The following IQCJ variants were observed in gnomAD, a reference collection of about 807,000 sequenced individuals.
IQCJ encodes the protein IQ motif containing J, also known as IQ domain-containing protein J.
Under a neutral mutation model 11.0 loss-of-function variants are expected in IQCJ, and 9 were observed. That is an observed-to-expected ratio of 0.82 (90% confidence interval 0.49 to 1.43). IQCJ has a LOEUF of 1.43. Ranked by LOEUF, IQCJ falls within the 40% of genes most tolerant of loss-of-function variation. IQCJ has a pLI of 0.00. For synonymous variants in IQCJ, 55 were observed against 51.3 expected, an observed-to-expected ratio of 1.07 and a Z score of -0.31; for missense variants, 146 against 133.2, an observed-to-expected ratio of 1.10 and a Z score of -0.47.
chr3:159,183,691 A>T (rs965961752), intron 1 of IQCJ, among the ~76,000 whole-genome samples: 1 of 152,198 alleles, frequency 6.6e-6, no homozygotes, highest in African/African-American at 2.4e-5. Context: ...TAACTTAAGG[A>T]TCCAAGCTTC....
At chr3:159,234,250 G>C (rs1246980543) in intron 1 of IQCJ, among the ~76,000 whole-genome samples, 1 of 152,204 alleles carries the variant, frequency 6.6e-6, no homozygotes, top group South Asian at 2.1e-4. Context: ...TAATTTTTAA[G>C]AGATAATTCA....
intron 1 of IQCJ, among the ~76,000 whole-genome samples, chr3:159,169,580 G>T (rs1325076153): frequency 6.6e-6 from 1 of 151,956 alleles, no homozygotes; most frequent in Non-Finnish European, 1.5e-5. Context: ...ATGAGCCACC[G>T]CACCCTGCCA....
chr3:159,162,967 G>A (rs2108223740), intron 1 of IQCJ, among the ~76,000 whole-genome samples: 1 of 152,288 alleles, frequency 6.6e-6, no homozygotes, highest in Non-Finnish European at 1.5e-5. Flanking sequence ...GGACCAGATG[G>A]ATTCACAGCC....
At chr3:159,088,721 A>G (rs988353248) in intron 1 of IQCJ, among the ~76,000 whole-genome samples, 12 of 151,870 alleles carry the variant, frequency 7.9e-5, no homozygotes, top group African/African-American at 2.9e-4. Context: ...AGTCTGTTTT[A>G]TCAGAGACTA....
intron 1 of IQCJ, among the ~76,000 whole-genome samples, chr3:159,089,112 CTGG>C (rs1203244499): frequency 6.6e-6 from 1 of 151,890 alleles, no homozygotes; most frequent in East Asian, 1.9e-4. Context: ...TAGGGCAGGC[CTGG>C]TGGTGACGAA....
rs368623920 is a variant in IQCJ at position 159,161,574 on chromosome 3, CT to C, written c.10-84265del. Among the ~76,000 whole-genome samples, 88 of 152,256 alleles carry C rather than the reference CT, an allele frequency of 5.8e-4. 1 individual carries two copies. The South Asian group carries it at 0.01, about 18-fold the overall frequency. ...TCAATTTTGGCTTTTGTTGCCATTGCTTTTGGTGTTTTAGACATGAAGTCCT... is the reference window on the plus strand; with the variant it reads ...TCAATTTTGGCTTTTGTTGCCATTGCTTTGGTGTTTTAGACATGAAGTCCT... On this transcript the variant is annotated intron_variant, in intron 1 of 3. Transcript: ENST00000397832.
intron 1 of IQCJ, among the ~76,000 whole-genome samples, chr3:159,076,767 C>T (rs755834538): frequency 6.6e-6 from 1 of 152,036 alleles, no homozygotes; most frequent in East Asian, 1.9e-4. Flanking sequence ...AGACAGAATG[C>T]ATAAGTGGAT....
chr3:159,072,516 C>T (rs1715639679), intron 1 of IQCJ, among the ~76,000 whole-genome samples: 1 of 151,892 alleles, frequency 6.6e-6, no homozygotes, highest in African/African-American at 2.4e-5. Flanking sequence ...TTAAATTTTT[C>T]AAAATTAATA....
chr3:159,201,627 C>CTTTTTTTTTTTTTTTTTTTT (rs71144478), intron 1 of IQCJ, among the ~76,000 whole-genome samples: 1 of 70,314 alleles, frequency 1.4e-5, no homozygotes, highest in Admixed American at 2.1e-4. Flanking sequence ...GATAATGATT[C>CTTTTTTTTTTTTTTTTTTTT]TTTTTTTTTT....
At chr3:159,208,344 A>G (rs75504116) in intron 1 of IQCJ, among the ~76,000 whole-genome samples, 1 of 152,256 alleles carries the variant, frequency 6.6e-6, no homozygotes, top group African/African-American at 2.4e-5. Flanking sequence ...AGACCAGGTC[A>G]GCCATCACCT....
At chr3:159,232,620 CT>C (rs1726329150) in intron 1 of IQCJ, among the ~76,000 whole-genome samples, 1 of 151,954 alleles carries the variant, frequency 6.6e-6, no homozygotes. Flanking sequence ...TTTGCATTTG[CT>C]GAGGAGGGTT....
At chr3:159,104,268 C>A (rs928558784) in intron 1 of IQCJ, among the ~76,000 whole-genome samples, 4 of 152,200 alleles carry the variant, frequency 2.6e-5, no homozygotes, top group Admixed American at 2.6e-4. Context: ...CTCCTTAGTT[C>A]TTTGTACACT....
chr3:159,070,981 A>G (rs563097983), intron 1 of IQCJ, among the ~76,000 whole-genome samples: 10 of 152,140 alleles, frequency 6.6e-5, no homozygotes, highest in Admixed American at 5.9e-4. Context: ...TTTACTTCGC[A>G]TTGTGGACAA....
At chr3:159,244,098 T>G (rs893667541) in intron 1 of IQCJ, among the ~76,000 whole-genome samples, 8 of 152,164 alleles carry the variant, frequency 5.3e-5, no homozygotes, top group Admixed American at 5.2e-4. Flanking sequence ...AGCAGAGAAA[T>G]CAACATTTTG....
intron 2 of IQCJ, among the ~76,000 whole-genome samples, chr3:159,252,277 G>T (rs962024507): frequency 6.6e-6 from 1 of 152,184 alleles, no homozygotes; most frequent in Non-Finnish European, 1.5e-5. Context: ...TCCATGCTTT[G>T]TTCCCAGTGG....
chr3:159,103,480 A>C (rs922388560), intron 1 of IQCJ, among the ~76,000 whole-genome samples: 3 of 152,238 alleles, frequency 2.0e-5, no homozygotes, highest in Admixed American at 1.3e-4. Context: ...TATGGCTTGA[A>C]TTAAGGGTAT....
intron 1 of IQCJ, among the ~76,000 whole-genome samples, chr3:159,151,152 G>A (rs1227345012): frequency 1.3e-5 from 2 of 152,190 alleles, no homozygotes; most frequent in Non-Finnish European, 2.9e-5. Flanking sequence ...GGAAGGAGCA[G>A]AACATCTCTT....
At chr3:159,110,460 A>G (rs1042409334) in intron 1 of IQCJ, among the ~76,000 whole-genome samples, 1 of 152,034 alleles carries the variant, frequency 6.6e-6, no homozygotes, top group Admixed American at 6.6e-5. Flanking sequence ...CTTTTCATTT[A>G]TTTAAATAAT....
chr3:159,148,858 A>C (rs1436057745), intron 1 of IQCJ, among the ~76,000 whole-genome samples: 1 of 152,214 alleles, frequency 6.6e-6, no homozygotes, highest in African/African-American at 2.4e-5. Flanking sequence ...GGAAAATTCA[A>C]ATGTGCCGCA....
Sources: allele counts gnomAD v4.1 joint callset (sites outside exome capture counted in the v4.1 genomes callset), GRCh38; gene constraint gnomAD v4.1.1; transcripts MANE v1.5; gene names NCBI Gene and HGNC (gene_info 2026-07-23, HGNC 2026-07-21).